The following ABCC1 variants were observed in gnomAD, a reference collection of about 807,000 sequenced individuals.
ABCC1 encodes the protein multidrug resistance-associated protein 1.
Under a neutral mutation model 172.9 loss-of-function variants are expected in ABCC1, and 83 were observed. The ratio of observed to expected loss-of-function variants is 0.48; its 90% CI spans 0.40 to 0.58. The LOEUF is 0.58. ABCC1 is among the 20% of genes least tolerant of loss of function. ABCC1 has a pLI of 0.00. For missense variants in ABCC1, 1,817 were observed against 2,002.7 expected (o/e 0.91, Z 1.77); for synonymous variants, 937 against 825.2 (o/e 1.14, Z -2.32).
At chr16:16,012,322 C>T (rs2047815902) in intron 3 of ABCC1, among the ~76,000 whole-genome samples, 1 of 152,094 alleles carries the variant, frequency 6.6e-6, no homozygotes, top group Non-Finnish European at 1.5e-5. Flanking sequence ...CCTGGCTCTC[C>T]TGCTGGGTTT....
At position 16,021,279 on chromosome 16, in the gene ABCC1, AG is replaced by A. The variant is rs749913623; in HGVS notation, c.615+4659del. On this transcript the variant is annotated intron_variant, in intron 5 of 30. Transcript: ENST00000399410. ...AGAGGAAGGGGACTGATGTATGCAC[AG>A]ATGTTCTGAAGGCTTGGCATGGTGT... Among the ~76,000 whole-genome samples, 37 of 152,130 alleles carry A rather than the reference AG, an allele frequency of 2.4e-4. No homozygotes were observed. The Middle Eastern group carries it at 0.02, about 84-fold the overall frequency.
At chr16:16,004,164 C>T (rs564518250) in intron 1 of ABCC1, among the ~76,000 whole-genome samples, 6 of 152,116 alleles carry the variant, frequency 3.9e-5, no homozygotes, top group Admixed American at 2.6e-4. Context: ...GTGGGGAGCA[C>T]TGGCTGTAGC....
chr16:16,092,881 C>T (rs531837018), intron 19 of ABCC1, among the ~76,000 whole-genome samples: 41 of 152,200 alleles, frequency 2.7e-4, no homozygotes, highest in Admixed American at 5.9e-4. Context: ...CCCGGCTATT[C>T]GGGAGGCTGA....
At chr16:16,095,882 A>G (rs573566808) in intron 19 of ABCC1, among the ~76,000 whole-genome samples, 18 of 152,148 alleles carry the variant, frequency 1.2e-4, no homozygotes, top group African/African-American at 4.3e-4. Flanking sequence ...CCTCATGGCA[A>G]ATATTTTTCC....
intron 12 of ABCC1, 81 bp from the exon 13 acceptor site, chr16:16,068,075 G>A (rs1477596376): frequency 9.0e-6 from 14 of 1,560,312 alleles, no homozygotes; most frequent in African/African-American, 4.1e-5. Flanking sequence ...GCCCAAGCGC[G>A]TCTCCAGGGC....
chr16:15,974,639 A>G (rs1159052226), intron 1 of ABCC1, among the ~76,000 whole-genome samples: 1 of 152,168 alleles, frequency 6.6e-6, no homozygotes, highest in Non-Finnish European at 1.5e-5. Flanking sequence ...CATACTTCCC[A>G]GTTTCAGAGA....
chr16:16,072,404 C>T (rs1172133134), intron 14 of ABCC1, among the ~76,000 whole-genome samples: 2 of 151,620 alleles, frequency 1.3e-5, no homozygotes, highest in Non-Finnish European at 2.9e-5. Context: ...AGGCCGGTCT[C>T]GAACTCCTTA....
In ABCC1 at chr16:16,088,955, C is replaced by T. The variant is rs12920817; in HGVS notation, c.2461-1450C>T. Among the ~76,000 whole-genome samples, 280 of 152,202 alleles carry T rather than the reference C, an allele frequency of 1.8e-3. 2 individuals are homozygous for T. Among genetic ancestry groups the T allele is most frequent in the South Asian group, 6.2e-3 (30 of 4,822 alleles). On this transcript the variant is annotated intron_variant, in intron 18 of 30. Coordinates refer to ENST00000399410, the MANE Select transcript of ABCC1 (RefSeq NM_004996.4). ...AACTCTTGGCCTCAAGGAATCCTCC[C>T]GTTTTGGCCTCCCAAAGTGCTGGGA...
intron 23 of ABCC1, among the ~76,000 whole-genome samples, chr16:16,115,934 G>T (rs999094153): frequency 1.3e-5 from 2 of 149,124 alleles, no homozygotes; most frequent in East Asian, 4.0e-4. Flanking sequence ...ATGGAGTCTC[G>T]CTCTGTCGCC....
chr16:16,017,646 C>T lies in ABCC1; in HGVS notation c.615+1025C>T, dbSNP rs962444520. On this transcript the variant is annotated intron_variant, in intron 5 of 30. Coordinates refer to ENST00000399410, the MANE Select transcript of ABCC1 (RefSeq NM_004996.4). ...ATGGTCTCAAACCCCTGGGCTCAAG[C>T]GATCCTCTTGCCTTGGCCTCTCAAA... is the stretch of plus-strand genomic sequence containing the variant. 1.1e-4 allele frequency among the ~76,000 whole-genome samples: 16 copies of T among 152,180 alleles called. 5 individuals are homozygous for T. The highest frequency in any genetic ancestry group is 2.1e-4 in the South Asian group (1 of 4,816).
intron 9 of ABCC1, among the ~76,000 whole-genome samples, chr16:16,047,574 C>T (rs2049263287): frequency 6.6e-6 from 1 of 152,246 alleles, no homozygotes; most frequent in South Asian, 2.1e-4. Flanking sequence ...TCGGTTGTCC[C>T]AACTGGGGGC....
At chr16:16,062,859 C>G (rs2049972966) in intron 12 of ABCC1, among the ~76,000 whole-genome samples, 1 of 152,164 alleles carries the variant, frequency 6.6e-6, no homozygotes, top group Non-Finnish European at 1.5e-5. Flanking sequence ...AATGGCAAAC[C>G]TGGCATTTAC....
At chr16:15,971,305 G>T (rs2046362878) in intron 1 of ABCC1, among the ~76,000 whole-genome samples, 1 of 152,198 alleles carries the variant, frequency 6.6e-6, no homozygotes, top group Non-Finnish European at 1.5e-5. Flanking sequence ...CACACTTGGG[G>T]AGGTGTGGTG....
At chr16:16,047,222 C>T (rs1022529830) in intron 9 of ABCC1, among the ~76,000 whole-genome samples, 1 of 151,996 alleles carries the variant, frequency 6.6e-6, no homozygotes, top group Non-Finnish European at 1.5e-5. Context: ...CTTCCTGACA[C>T]CTAGGTTGCA....
intron 14 of ABCC1, among the ~76,000 whole-genome samples, chr16:16,074,798 CCTCT>C (rs1215185968): frequency 2.0e-5 from 3 of 152,272 alleles, no homozygotes; most frequent in African/African-American, 7.2e-5. Context: ...CCAGCACCTT[CCTCT>C]CTCTCTAGGT....
chr16:15,967,139 T>C (rs2046261319), intron 1 of ABCC1, among the ~76,000 whole-genome samples: 1 of 152,132 alleles, frequency 6.6e-6, no homozygotes, highest in South Asian at 2.1e-4. Flanking sequence ...AAGGCTCACC[T>C]CTGAGTCACA....
intron 1 of ABCC1, among the ~76,000 whole-genome samples, chr16:15,979,460 T>G (rs1181045121): frequency 1.3e-5 from 2 of 152,130 alleles, no homozygotes; most frequent in Admixed American, 6.5e-5. Context: ...AGGTGAAAAT[T>G]GCGTATAGCC....
intron 19 of ABCC1, among the ~76,000 whole-genome samples, chr16:16,094,814 CTTTT>C (rs895974418): frequency 2.5e-5 from 3 of 120,630 alleles, no homozygotes; most frequent in Non-Finnish European, 3.3e-5. Context: ...TGCGCCTGGC[CTTTT>C]TTTTTTTTTT....
chr16:16,063,989 G>T (rs887248749), intron 12 of ABCC1, among the ~76,000 whole-genome samples: 1 of 152,200 alleles, frequency 6.6e-6, no homozygotes, highest in African/African-American at 2.4e-5. Flanking sequence ...GAGGGAGGAG[G>T]TTCATCTGTG....
Sources: gnomAD v4.1 joint callset for allele counts (sites outside exome capture counted in the v4.1 genomes callset) on GRCh38, gnomAD v4.1.1 for gene constraint, MANE v1.5 for transcripts, NCBI Gene and HGNC (gene_info 2026-07-23, HGNC 2026-07-21) for gene names.